Variants in MYO3A observed in about 807,000 individuals in gnomAD.
MYO3A encodes myosin IIIA.
MYO3A carries 180 observed loss-of-function variants against 192.7 expected under a neutral mutation model. The ratio of observed to expected loss-of-function variants is 0.93; its 90% CI spans 0.83 to 1.06. The LOEUF (loss-of-function observed/expected upper bound fraction) is 1.06. Ranked by LOEUF, MYO3A falls within the 50% of genes least tolerant of loss-of-function variation. MYO3A has a pLI of 0.00. For synonymous variants in MYO3A, 628 were observed against 645.3 expected (o/e 0.97, Z 0.41); for missense variants, 1,896 against 1,905.0 (o/e 1.00, Z 0.09).
At chr10:26,210,202 T>A (rs1008628662) in intron 34 of MYO3A, among the ~76,000 whole-genome samples, 1 of 152,182 alleles carries the variant, frequency 6.6e-6, no homozygotes. Context: ...TACTTAAAAT[T>A]TGTGAACTGA....
chr10:26,100,036 G>T (rs977266269), intron 17 of MYO3A, among the ~76,000 whole-genome samples: 1 of 152,112 alleles, frequency 6.6e-6, no homozygotes, highest in East Asian at 1.9e-4. Flanking sequence ...GAATCCATCT[G>T]GTCCTGGACT....
At chr10:26,107,400 GAA>G (rs1214832194) in intron 17 of MYO3A, among the ~76,000 whole-genome samples, 1 of 148,050 alleles carries the variant, frequency 6.8e-6, no homozygotes, top group Non-Finnish European at 1.5e-5. Context: ...AAAATCACTT[GAA>G]CCCGGGAAGC....
At chr10:26,047,520 T>C (rs1403671928) in intron 10 of MYO3A, among the ~76,000 whole-genome samples, 1 of 152,198 alleles carries the variant, frequency 6.6e-6, no homozygotes, top group Middle Eastern at 3.2e-3. Context: ...ACGCCTGTAA[T>C]CCCAGCACTT....
chr10:25,957,321 C>T (rs1837617258), intron 4 of MYO3A, among the ~76,000 whole-genome samples: 1 of 152,150 alleles, frequency 6.6e-6, no homozygotes, highest in Non-Finnish European at 1.5e-5. Context: ...CCTGCATAAG[C>T]TCTCTCCTTG....
intron 32 of MYO3A, among the ~76,000 whole-genome samples, chr10:26,200,472 C>T (rs556588512): frequency 3.3e-5 from 5 of 152,258 alleles, no homozygotes; most frequent in South Asian, 2.1e-4. Context: ...AAGACAAATA[C>T]GCTGTGGCAA....
Position 26,212,199 on chromosome 10 carries a change from A to C in MYO3A, c.*236A>C. The C allele has an allele frequency of 1.8e-6, 1 of 559,388 alleles. No individual in the cohort carries two copies. The highest frequency in any genetic ancestry group is 3.1e-6 in the Non-Finnish European group (1 of 325,798). 34.7% of individuals were successfully genotyped at this position (559,388 alleles called of 1,614,324 possible). On this transcript the variant is annotated 3_prime_UTR_variant, in exon 35 of 35. Transcript: ENST00000642920. ...CGACGCTCTCTCTCGGAACTCCCGCACCCTCCTTTCTCACCAGCCCGCCAG... is the reference window on the plus strand; with the variant it reads ...CGACGCTCTCTCTCGGAACTCCCGCCCCCTCCTTTCTCACCAGCCCGCCAG...
intron 34 of MYO3A, among the ~76,000 whole-genome samples, 180 bp from the exon 35 acceptor site, chr10:26,211,663 A>G (rs1350821356): frequency 6.6e-6 from 1 of 151,900 alleles, no homozygotes; most frequent in Non-Finnish European, 1.5e-5. Context: ...AGTTTTTAAA[A>G]CCTGTTGAGA....
chr10:26,004,108 G>T (rs961833745), intron 6 of MYO3A, among the ~76,000 whole-genome samples: 3 of 152,158 alleles, frequency 2.0e-5, no homozygotes, highest in African/African-American at 7.2e-5. Flanking sequence ...AGCTCAGTAG[G>T]CAGTTTGGAG....
chr10:25,984,999 A>T (rs949295045), intron 4 of MYO3A, among the ~76,000 whole-genome samples: 2 of 152,120 alleles, frequency 1.3e-5, no homozygotes, highest in Non-Finnish European at 2.9e-5. Flanking sequence ...GCACTTTGGG[A>T]GGCTGAGGCA....
chr10:25,993,491 G>A (rs1040141690), intron 4 of MYO3A, among the ~76,000 whole-genome samples: 2 of 152,160 alleles, frequency 1.3e-5, no homozygotes, highest in Admixed American at 1.3e-4. Flanking sequence ...TTTTTGAAGG[G>A]TTTTTTGTGT....
intron 29 of MYO3A, among the ~76,000 whole-genome samples, chr10:26,171,679 A>G (rs1382708303): frequency 6.6e-6 from 1 of 152,206 alleles, no homozygotes; most frequent in Non-Finnish European, 1.5e-5. Context: ...TACTGGCGAT[A>G]AAACAGTCCA....
chr10:26,084,912 G>T (rs1836213148), intron 14 of MYO3A, among the ~76,000 whole-genome samples: 1 of 152,108 alleles, frequency 6.6e-6, no homozygotes. Flanking sequence ...TTCTTTGTTG[G>T]GAGGTTTTGA....
intron 4 of MYO3A, among the ~76,000 whole-genome samples, chr10:25,966,596 T>G (rs902644991): frequency 6.6e-6 from 1 of 152,174 alleles, no homozygotes; most frequent in Admixed American, 6.5e-5. Flanking sequence ...ACTGAACAGT[T>G]TTAGTACCTT....
At chr10:25,961,877 T>C (rs1476179861) in intron 4 of MYO3A, among the ~76,000 whole-genome samples, 1 of 152,178 alleles carries the variant, frequency 6.6e-6, no homozygotes, top group Non-Finnish European at 1.5e-5. Context: ...ATAAAGTCCA[T>C]TTAAATTATT....
At position 26,134,914 on chromosome 10, in the gene MYO3A, T is replaced by TA. The variant is rs563720122; in HGVS notation, c.2262+6377dup. The stretch of plus-strand genomic sequence containing the variant: ...GTGAGTAAGAGTTCTTTTACTAAAA[T>TA]ACAGACTTCAGGGACTATATATGTC... On this transcript the variant is annotated intron_variant, in intron 20 of 34. Transcript: ENST00000642920. Among the ~76,000 whole-genome samples, 189 of 152,304 alleles carry TA rather than the reference T, an allele frequency of 1.2e-3. 3 individuals carry two copies. The highest frequency in any genetic ancestry group is 7.3e-5 in the Non-Finnish European group (5 of 68,030).
intron 7 of MYO3A, among the ~76,000 whole-genome samples, chr10:26,021,008 C>T (rs1842272482): frequency 6.6e-6 from 1 of 152,108 alleles, no homozygotes; most frequent in African/African-American, 2.4e-5. Flanking sequence ...TGTCTTATTC[C>T]TCCCTTAGGT....
At chr10:26,107,128 G>A (rs1258032539) in intron 17 of MYO3A, among the ~76,000 whole-genome samples, 1 of 151,914 alleles carries the variant, frequency 6.6e-6, no homozygotes, top group East Asian at 1.9e-4. Flanking sequence ...TGCCATTACA[G>A]CACCCCAAGT....
Position 26,173,761 on chromosome 10 carries a change from CT to C in MYO3A, c.3499del (p.Ser1167ProfsTer26), listed in dbSNP as rs752046945. On this transcript the variant is annotated frameshift_variant, in exon 30 of 35. Coordinates refer to ENST00000642920, the MANE Select transcript of MYO3A (RefSeq NM_017433.5). LOFTEE classifies it high-confidence loss of function. ...AAAGGAAGTGTATCTGTAGTGAAGA[CT>C]TCCACTTTCAAACCTGAAGAGGAAA... The part of the protein sequence containing the change: ...NNKGSVSVVK[T>X]STFKPEEETT... 12 of 1,613,938 alleles carry C rather than the reference CT, an allele frequency of 7.4e-6. No homozygotes were observed. In the East Asian group the frequency reaches 2.5e-4, roughly 33 times the overall value.
chr10:26,110,064 CCTTAG>C (rs992124092), intron 17 of MYO3A, among the ~76,000 whole-genome samples: 5 of 152,248 alleles, frequency 3.3e-5, no homozygotes, highest in Admixed American at 2.6e-4. Flanking sequence ...TTGAATGCAT[CCTTAG>C]GAAGACACTT....
Sources: gnomAD v4.1 joint callset for allele counts (sites outside exome capture counted in the v4.1 genomes callset) on GRCh38, gnomAD v4.1.1 for gene constraint, MANE v1.5 for transcripts, NCBI Gene and HGNC (gene_info 2026-07-23, HGNC 2026-07-21) for gene names.